The following SYNE1 variants were observed in gnomAD, a reference collection of about 807,000 sequenced individuals.
The protein encoded by SYNE1 is nesprin-1.
A neutral mutation model predicts 1,111.0 loss-of-function variants in SYNE1; 616 were observed. That is an observed-to-expected ratio of 0.55 (90% CI 0.52 to 0.59). SYNE1 has a LOEUF of 0.59. Ranked by LOEUF, SYNE1 falls within the 20% of genes least tolerant of loss-of-function variation. SYNE1 has a pLI of 0.00. For missense variants in SYNE1, 10,006 were observed against 10,417.0 expected, an observed-to-expected ratio of 0.96 and a Z score of 1.72; for synonymous variants, 3,855 against 3,825.8, an observed-to-expected ratio of 1.01 and a Z score of -0.28.
intron 3 of SYNE1, among the ~76,000 whole-genome samples, chr6:152,580,675 G>A (rs2099516279): frequency 6.6e-6 from 1 of 152,056 alleles, no homozygotes; most frequent in South Asian, 2.1e-4. Context: ...TCCACCTTGA[G>A]TTGATTTTTG....
chr6:152,132,243 C>A (rs1341600993), intron 143 of SYNE1, 29 bp from the exon 144 acceptor site: 9 of 1,603,990 alleles, frequency 5.6e-6, no homozygotes, highest in Non-Finnish European at 7.7e-6. Context: ...CTTTTAACAA[C>A]TCCATGTCCC....
chr6:152,532,796 T>C lies in SYNE1; in HGVS notation c.130-6621A>G, dbSNP rs1429974883. Among the ~76,000 whole-genome samples the C allele has an allele frequency of 2.0e-5, 3 of 152,102 alleles. No homozygotes were observed. The East Asian group carries it at 5.8e-4, about 29-fold the overall frequency. On this transcript the variant is annotated intron_variant, in intron 4 of 145. Coordinates refer to ENST00000367255, the MANE Select transcript of SYNE1 (RefSeq NM_182961.4). The stretch of plus-strand genomic sequence containing the variant: ...AGGAATTATTTCACAAGCTAAGAGA[T>C]TGTATATGTAGAAAAATTCCCATCC...
At chr6:152,406,740 T>C (rs2097907612) in intron 45 of SYNE1, among the ~76,000 whole-genome samples, 1 of 151,924 alleles carries the variant, frequency 6.6e-6, no homozygotes, top group Admixed American at 6.6e-5. Context: ...TGGTGGTGCA[T>C]GCCTGTAATC....
Position 152,310,034 on chromosome 6 carries a change from A to G in SYNE1, c.17020-17T>C. On this transcript the variant is annotated splice_polypyrimidine_tract_variant and intron_variant, in intron 89 of 145. Transcript: ENST00000367255. ...CAACAAATGCTGAAAATGCAATTTC[A>G]TAGTTCAAAAATTTAATATTTAAAT... 1 of 1,610,148 alleles carries G rather than the reference A, an allele frequency of 6.2e-7. No individual in the cohort carries two copies. The highest frequency in any genetic ancestry group is 2.2e-5 in the East Asian group (1 of 44,770).
intron 56 of SYNE1, 61 bp downstream of exon 56, chr6:152,380,944 TG>T: frequency 6.6e-7 from 1 of 1,523,690 alleles, no homozygotes; most frequent in Non-Finnish European, 9.1e-7. Context: ...TTTTAAGGAA[TG>T]ATGAAAGTCA....
intron 49 of SYNE1, among the ~76,000 whole-genome samples, chr6:152,397,567 A>C (rs865992840): frequency 6.6e-6 from 1 of 152,294 alleles, no homozygotes; most frequent in African/African-American, 2.4e-5. Context: ...TCTACATCTG[A>C]ATTCTCCACA....
intron 140 of SYNE1, among the ~76,000 whole-genome samples, chr6:152,138,831 T>C (rs550585219): frequency 1.3e-5 from 2 of 152,266 alleles, no homozygotes; most frequent in East Asian, 3.9e-4. Context: ...CATTTTAGTG[T>C]CTGGGTTAAG....
chr6:152,563,075 C>CAGAAAG (rs1443342605), intron 3 of SYNE1, among the ~76,000 whole-genome samples: 3 of 151,870 alleles, frequency 2.0e-5, no homozygotes, highest in Non-Finnish European at 2.9e-5. Flanking sequence ...CACACACACA[C>CAGAAAG]AGAAAGAGAA....
chr6:152,490,601 T>C (rs930092973), intron 11 of SYNE1, among the ~76,000 whole-genome samples: 1 of 152,146 alleles, frequency 6.6e-6, no homozygotes, highest in African/African-American at 2.4e-5. Context: ...ACTGTAATTT[T>C]CCACTACCCT....
At chr6:152,482,687 G>A (rs2098914355) in intron 14 of SYNE1, among the ~76,000 whole-genome samples, 1 of 152,036 alleles carries the variant, frequency 6.6e-6, no homozygotes, top group African/African-American at 2.4e-5. Context: ...CCACCCCACA[G>A]CACCAAGACA....
At chr6:152,537,206 C>T (rs569964629) in intron 4 of SYNE1, among the ~76,000 whole-genome samples, 1 of 152,124 alleles carries the variant, frequency 6.6e-6, no homozygotes, top group South Asian at 2.1e-4. Context: ...TAACAACAAC[C>T]CGCCAATTGT....
Position 152,505,291 on chromosome 6 carries a change from C to T in SYNE1, c.688G>A (p.Val230Met), listed in dbSNP as rs905827676. The change falls in exon 9 of 146, where the codon GTG becomes ATG. Residue 230 changes from valine (V) to methionine (M), a missense_variant. Physicochemically the swap from Val to Met is conservative, Grantham distance 21. This residue lies in a region of SYNE1 where 1,971 missense variants were observed against 2,084.1 expected (regional missense o/e 0.95). Coordinates refer to ENST00000367255, the MANE Select transcript of SYNE1 (RefSeq NM_182961.4). Reference sequence around the variant, plus strand: ...TTTTCTCGGTTGGATCTGCCTTTCACTGTCTCCAAGTCCACCAATTCCGGT... The same window carrying T: ...TTTTCTCGGTTGGATCTGCCTTTCATTGTCTCCAAGTCCACCAATTCCGGT... ...IRPELVDLET[V>M]KGRSNRENLE... The T allele has an allele frequency of 1.2e-6, 2 of 1,614,054 alleles. No individual in the cohort carries two copies. Among genetic ancestry groups the T allele is most frequent in the African/African-American group, 2.7e-5 (2 of 74,938 alleles).
At chr6:152,400,192 G>A (rs779220198) in intron 47 of SYNE1, among the ~76,000 whole-genome samples, 6 of 151,424 alleles carry the variant, frequency 4.0e-5, no homozygotes, top group Non-Finnish European at 8.8e-5. Flanking sequence ...TCAGAGTCAC[G>A]TGCTCACCAA....
intron 96 of SYNE1, among the ~76,000 whole-genome samples, chr6:152,282,450 A>C (rs1457487605): frequency 6.6e-6 from 1 of 152,208 alleles, no homozygotes; most frequent in Non-Finnish European, 1.5e-5. Context: ...TCCCTGTGGG[A>C]AGCGGTGGCC....
At chr6:152,131,331 A>T (rs1179043413) in intron 144 of SYNE1, among the ~76,000 whole-genome samples, 1 of 46,976 alleles carries the variant, frequency 2.1e-5, no homozygotes, top group African/African-American at 9.2e-5. Context: ...GAATGTAGTA[A>T]AAAAAAAAAA....
chr6:152,328,380 T>TTTTATTTTATTTATTTATTTA (rs374503996), intron 78 of SYNE1, among the ~76,000 whole-genome samples: 2 of 137,512 alleles, frequency 1.5e-5, no homozygotes, highest in East Asian at 2.1e-4. Flanking sequence ...TCTTATTTTA[T>TTTTATTTTATTTATTTATTTA]TTTATTTATT....
At chr6:152,319,856 A>T (rs1221246165) in intron 84 of SYNE1, 1 of 152,236 alleles carries the variant, frequency 6.6e-6, no homozygotes, top group Non-Finnish European at 1.5e-5. Flanking sequence ...AAAAACAAAC[A>T]AACAAACAAA....
At chr6:152,397,030 T>A in intron 49 of SYNE1, 50 bp from the exon 50 acceptor site, 1 of 1,575,850 alleles carries the variant, frequency 6.3e-7, no homozygotes, top group Non-Finnish European at 8.7e-7. Context: ...GCATTACAAT[T>A]GTGAGCTGAA....
intron 52 of SYNE1, 90 bp from the exon 53 acceptor site, chr6:152,390,542 A>T: frequency 7.6e-7 from 1 of 1,323,096 alleles, no homozygotes; most frequent in Non-Finnish European, 1.1e-6. Context: ...GAATTGAAGT[A>T]GGAATACTTT....
Sources: allele counts gnomAD v4.1 joint callset (sites outside exome capture counted in the v4.1 genomes callset), GRCh38; gene constraint gnomAD v4.1.1; regional missense constraint gnomAD v4.1.1; transcripts MANE v1.5; gene names NCBI Gene and HGNC (gene_info 2026-07-23, HGNC 2026-07-21).